ARHGAP6: variants seen among roughly 807,000 people sequenced by gnomAD.
ARHGAP6 encodes the protein rho GTPase-activating protein 6.
Under a neutral mutation model 55.7 loss-of-function variants are expected in ARHGAP6, and 16 were observed. The ratio of observed to expected loss-of-function variants is 0.29; its 90% CI spans 0.19 to 0.44. ARHGAP6 has a LOEUF of 0.44. Ranked by LOEUF, ARHGAP6 falls within the 20% of genes least tolerant of loss-of-function variation. The probability of loss-of-function intolerance (pLI) is 1.00; values close to 1 mark genes in which losing one functional copy is unlikely to be tolerated. For synonymous variants in ARHGAP6, 382 were observed against 360.9 expected (o/e 1.06, Z -0.66); for missense variants, 698 against 808.9 (o/e 0.86, Z 1.66).
Position 11,273,264 on chromosome X carries a change from A to T in ARHGAP6, c.589-18557T>A, listed in dbSNP as rs757652404. On this transcript the variant is annotated intron_variant, in intron 1 of 12. Coordinates refer to ENST00000337414, the MANE Select transcript of ARHGAP6 (RefSeq NM_013427.3). ...ACCATTTTGAAAACAGTTACAAAAA[A>T]ATCAATTATATGGTAATCTGATTTT... is the stretch of plus-strand genomic sequence containing the variant. 3.6e-5 allele frequency among the ~76,000 whole-genome samples: 4 copies of T among 111,288 alleles called. No homozygotes were observed. The East Asian group carries it at 1.1e-3, about 31-fold the overall frequency.
intron 1 of ARHGAP6, among the ~76,000 whole-genome samples, chrX:11,470,216 C>G (rs2147826100): frequency 8.9e-6 from 1 of 111,995 alleles, no homozygotes; most frequent in East Asian, 2.8e-4. Context: ...CAGATACTTT[C>G]AAAATGTCAG....
chrX:11,289,226 T>C (rs932081770), intron 1 of ARHGAP6, among the ~76,000 whole-genome samples: 13 of 111,401 alleles, frequency 1.2e-4, no homozygotes, highest in Non-Finnish European at 1.7e-4. Context: ...AATCGTGTGT[T>C]TTTTTTTGTC....
rs1053488913 is a variant in ARHGAP6, at chrX:11,541,713, A to G, written c.588+122528T>C. Among the ~76,000 whole-genome samples, 19 of 112,257 alleles carry G rather than the reference A, an allele frequency of 1.7e-4. 1 individual carries two copies. Among genetic ancestry groups the G allele is most frequent in the African/African-American group, 2.3e-4 (7 of 30,936 alleles). On this transcript the variant is annotated intron_variant, in intron 1 of 12. Transcript: ENST00000337414. ...ACTGAGCACATTTACTGATTGCTCA[A>G]TAAATGTGAAATCCTAGAGCCACCA...
intron 10 of ARHGAP6, among the ~76,000 whole-genome samples, chrX:11,150,972 GCTGA>G (rs1268509772): frequency 3.6e-5 from 4 of 111,354 alleles, no homozygotes; most frequent in African/African-American, 1.3e-4. Context: ...AATCAATTTT[GCTGA>G]CTGAGTTTTC....
intron 2 of ARHGAP6, among the ~76,000 whole-genome samples, chrX:11,204,231 T>A (rs1160843476): frequency 8.9e-6 from 1 of 112,336 alleles, no homozygotes; most frequent in Admixed American, 9.4e-5. Flanking sequence ...CAGGGTCTTC[T>A]TTCTCAACCT....
chrX:11,636,085 A>G (rs2052415412), intron 1 of ARHGAP6, among the ~76,000 whole-genome samples: 1 of 111,974 alleles, frequency 8.9e-6, no homozygotes, highest in South Asian at 3.7e-4. Context: ...GCACTTGACT[A>G]CACATGGAAG....
At chrX:11,624,959 T>C (rs2052277445) in intron 1 of ARHGAP6, among the ~76,000 whole-genome samples, 1 of 111,896 alleles carries the variant, frequency 8.9e-6, no homozygotes. Context: ...CACAATATGA[T>C]ATCGTATCAA....
intron 10 of ARHGAP6, among the ~76,000 whole-genome samples, chrX:11,151,710 AG>A (rs1014267264): frequency 1.8e-5 from 2 of 112,411 alleles, no homozygotes; most frequent in African/African-American, 6.5e-5. Context: ...CTTTCAAAAC[AG>A]AAATTATAAT....
At chrX:11,169,397 G>C in intron 9 of ARHGAP6, 108 bp downstream of exon 9, 1 of 717,188 alleles carries the variant, frequency 1.4e-6, no homozygotes, top group East Asian at 3.8e-5. Context: ...AATGAATTCA[G>C]TGAGCAGCAC....
intron 1 of ARHGAP6, among the ~76,000 whole-genome samples, chrX:11,405,749 C>A (rs2049602057): frequency 8.9e-6 from 1 of 111,749 alleles, no homozygotes; most frequent in African/African-American, 3.3e-5. Context: ...TGTAAGACAG[C>A]TTAACTTAAG....
intron 9 of ARHGAP6, among the ~76,000 whole-genome samples, chrX:11,162,943 G>C (rs1054406218): frequency 1.7e-4 from 19 of 112,055 alleles, no homozygotes; most frequent in African/African-American, 6.2e-4. Flanking sequence ...GAACTAAGGA[G>C]AAGGGTAGTG....
chrX:11,349,043 G>GT (rs755689676), intron 1 of ARHGAP6, among the ~76,000 whole-genome samples: 5,080 of 92,530 alleles, frequency 0.055, 191 homozygotes, highest in African/African-American at 0.13. Context: ...TGTTATTCCT[G>GT]TTTTTTTTTT....
At chrX:11,452,273 G>A (rs1467251855) in intron 1 of ARHGAP6, among the ~76,000 whole-genome samples, 2 of 111,854 alleles carry the variant, frequency 1.8e-5, no homozygotes, top group African/African-American at 3.3e-5. Context: ...TCAGCCTCCT[G>A]AGTAGCTGAG....
intron 1 of ARHGAP6, among the ~76,000 whole-genome samples, chrX:11,510,688 T>C (rs1429055522): frequency 3.6e-5 from 4 of 111,257 alleles, no homozygotes; most frequent in Admixed American, 2.9e-4. Context: ...TACGGAGTGA[T>C]AGTGATGGCC....
intron 2 of ARHGAP6, among the ~76,000 whole-genome samples, chrX:11,211,743 C>G (rs1406173332): frequency 2.7e-5 from 3 of 110,129 alleles, no homozygotes; most frequent in Non-Finnish European, 5.7e-5. Context: ...CAGGTTTCAC[C>G]ATATTGGCCA....
intron 1 of ARHGAP6, among the ~76,000 whole-genome samples, chrX:11,642,220 G>C (rs998589477): frequency 1.8e-5 from 2 of 111,653 alleles, no homozygotes; most frequent in Admixed American, 9.5e-5. Flanking sequence ...ACAGATGCTG[G>C]AGACCTATTC....
intron 1 of ARHGAP6, among the ~76,000 whole-genome samples, chrX:11,576,087 T>C (rs755178216): frequency 8.9e-6 from 1 of 112,150 alleles, no homozygotes; most frequent in Admixed American, 9.5e-5. Flanking sequence ...AAATAAACTT[T>C]CCATGCTTTT....
intron 2 of ARHGAP6, among the ~76,000 whole-genome samples, chrX:11,242,205 A>G (rs1381836223): frequency 8.9e-6 from 1 of 112,456 alleles, no homozygotes; most frequent in Non-Finnish European, 1.9e-5. Context: ...TTACAGAAAA[A>G]TCATTAAGAT....
At chrX:11,235,171 C>T (rs2047182376) in intron 2 of ARHGAP6, among the ~76,000 whole-genome samples, 1 of 113,130 alleles carries the variant, frequency 8.8e-6, no homozygotes. Flanking sequence ...CATACATTCT[C>T]TAAAATCTAG....
Sources: gnomAD v4.1 joint callset for allele counts (sites outside exome capture counted in the v4.1 genomes callset) on GRCh38, gnomAD v4.1.1 for gene constraint, MANE v1.5 for transcripts, NCBI Gene and HGNC (gene_info 2026-07-23, HGNC 2026-07-21) for gene names.